Variants in BACE2 observed in about 807,000 individuals in gnomAD.
BACE2 encodes the protein 56 kDa aspartic-like protease.
BACE2 carries 17 observed loss-of-function variants against 46.2 expected under a neutral mutation model. That is an observed-to-expected ratio of 0.37 (90% CI 0.25 to 0.55). The LOEUF is 0.55. Ranked by LOEUF, BACE2 falls within the 20% of genes least tolerant of loss-of-function variation. The pLI is 0.82. For synonymous variants in BACE2, 277 were observed against 295.9 expected (o/e 0.94, Z 0.66); for missense variants, 595 against 698.1 (o/e 0.85, Z 1.66).
intron 1 of BACE2, chr21:41,175,452 T>C (rs1166833507): frequency 6.6e-6 from 1 of 152,244 alleles, no homozygotes; most frequent in East Asian, 1.9e-4. Flanking sequence ...AATTTACACC[T>C]GGCCTGCAAA....
chr21:41,222,158 G>A (rs746832697), intron 1 of BACE2, among the ~76,000 whole-genome samples: 1 of 152,204 alleles, frequency 6.6e-6, no homozygotes, highest in Non-Finnish European at 1.5e-5. Flanking sequence ...TGAGGACTGT[G>A]CTGCCCTCAG....
chr21:41,247,267 G>C (rs888196871), intron 6 of BACE2, among the ~76,000 whole-genome samples: 4 of 152,146 alleles, frequency 2.6e-5, no homozygotes, highest in African/African-American at 9.7e-5. Context: ...TGGATGAAAC[G>C]GACACAGAGG....
chr21:41,264,668 G>A (rs1201375453), intron 8 of BACE2, among the ~76,000 whole-genome samples: 2 of 151,978 alleles, frequency 1.3e-5, no homozygotes, highest in African/African-American at 2.4e-5. Flanking sequence ...AGACAATACT[G>A]GGGGGTGGTA....
intron 1 of BACE2, among the ~76,000 whole-genome samples, chr21:41,190,322 C>T (rs2123511743): frequency 6.6e-6 from 1 of 152,322 alleles, no homozygotes; most frequent in East Asian, 1.9e-4. Flanking sequence ...ACCTGAAACA[C>T]ACCAGTCTCC....
At chr21:41,261,593 G>T (rs1987937028) in intron 8 of BACE2, among the ~76,000 whole-genome samples, 1 of 151,916 alleles carries the variant, frequency 6.6e-6, no homozygotes, top group African/African-American at 2.4e-5. Flanking sequence ...AAATTTACCA[G>T]TATTTCTCTC....
intron 1 of BACE2, chr21:41,183,273 C>T (rs560112168): frequency 6.0e-6 from 1 of 166,208 alleles, no homozygotes; most frequent in South Asian, 2.1e-4. Context: ...AGGTAAAAAT[C>T]CTAAAGTTAA....
rs977282474 is a variant in BACE2, at chr21:41,228,287, G to C, written c.401+1933G>C. Among the ~76,000 whole-genome samples the C allele has an allele frequency of 3.3e-5, 5 of 152,222 alleles. No homozygotes were observed. In the East Asian group the frequency reaches 9.6e-4, roughly 29 times the overall value. The stretch of plus-strand genomic sequence containing the variant: ...CGCAGTAGGCAGATGCTGGAGGTGA[G>C]TTAACATCACCATGGACATGTACAC... On this transcript the variant is annotated intron_variant, in intron 2 of 8. Coordinates refer to ENST00000330333, the MANE Select transcript of BACE2 (RefSeq NM_012105.5).
chr21:41,276,301 G>A lies in BACE2; in HGVS notation c.*677G>A, dbSNP rs968768330. On this transcript the variant is annotated 3_prime_UTR_variant, in exon 9 of 9. Coordinates refer to ENST00000330333, the MANE Select transcript of BACE2 (RefSeq NM_012105.5). Reference sequence around the variant, plus strand: ...GGCCTTTTGCCCGTTGAGGTAGAGGGGAAGGAAATCTCCTCTTTTGTACCC... The same window carrying A: ...GGCCTTTTGCCCGTTGAGGTAGAGGAGAAGGAAATCTCCTCTTTTGTACCC... The A allele has an allele frequency of 2.0e-5, 3 of 152,270 alleles. No homozygotes were observed. The highest frequency in any genetic ancestry group is 7.2e-5 in the African/African-American group (3 of 41,432). The allele number at this position is 152,270 out of a possible 1,614,324, so 9.4% of individuals were successfully genotyped here.
At chr21:41,227,323 C>T (rs1350826178) in intron 2 of BACE2, among the ~76,000 whole-genome samples, 4 of 152,138 alleles carry the variant, frequency 2.6e-5, no homozygotes, top group Non-Finnish European at 5.9e-5. Context: ...CATTAGGTTT[C>T]CCTACTGTAA....
At chr21:41,255,986 T>G (rs906213326) in intron 7 of BACE2, among the ~76,000 whole-genome samples, 1 of 152,220 alleles carries the variant, frequency 6.6e-6, no homozygotes, top group South Asian at 2.1e-4. Flanking sequence ...AAATCTACAT[T>G]GTATAGAGAA....
intron 1 of BACE2, among the ~76,000 whole-genome samples, chr21:41,174,138 C>CTTTTTTTTTTTTTTTTTTTTTTT (rs1568853912): frequency 2.8e-4 from 20 of 70,646 alleles, no homozygotes; most frequent in South Asian, 6.3e-4. Context: ...TGATCAGTGG[C>CTTTTTTTTTTTTTTTTTTTTTTT]CTTTTTTTTT....
At chr21:41,200,009 A>G (rs1985900182) in intron 1 of BACE2, among the ~76,000 whole-genome samples, 1 of 138,560 alleles carries the variant, frequency 7.2e-6, no homozygotes, top group Non-Finnish European at 1.6e-5. Context: ...TGGGCACAGG[A>G]AGGGGAACAT....
intron 2 of BACE2, chr21:41,236,741 G>A (rs984675886): frequency 2.6e-5 from 4 of 152,212 alleles, no homozygotes; most frequent in Admixed American, 2.6e-4. Context: ...ACAGGCTGGT[G>A]GAGCCTCCCT....
intron 6 of BACE2, among the ~76,000 whole-genome samples, chr21:41,250,017 G>A (rs1987594358): frequency 6.6e-6 from 1 of 152,182 alleles, no homozygotes; most frequent in African/African-American, 2.4e-5. Context: ...CTGTGTGCAA[G>A]GTATTAGGGC....
At chr21:41,264,198 T>C (rs1162109067) in intron 8 of BACE2, among the ~76,000 whole-genome samples, 1 of 152,018 alleles carries the variant, frequency 6.6e-6, no homozygotes, top group African/African-American at 2.4e-5. Context: ...TCTTTAATTG[T>C]CTTTGGTTTG....
chr21:41,194,528 G>A (rs1421720747), intron 1 of BACE2, among the ~76,000 whole-genome samples: 1 of 152,164 alleles, frequency 6.6e-6, no homozygotes, highest in Non-Finnish European at 1.5e-5. Flanking sequence ...ATATTTTCCT[G>A]ATAAAACTGT....
At chr21:41,191,101 C>A (rs1460653198) in intron 1 of BACE2, among the ~76,000 whole-genome samples, 1 of 152,124 alleles carries the variant, frequency 6.6e-6, no homozygotes, top group African/African-American at 2.4e-5. Flanking sequence ...CCCTTGATTC[C>A]TGGACCCGTG....
chr21:41,189,055 G>A (rs779973375), intron 1 of BACE2, among the ~76,000 whole-genome samples: 9 of 152,134 alleles, frequency 5.9e-5, no homozygotes, highest in Non-Finnish European at 1.0e-4. Flanking sequence ...TTATCTTCCC[G>A]ATGCTGTTGA....
chr21:41,233,031 G>T (rs1987009900), intron 2 of BACE2, among the ~76,000 whole-genome samples: 1 of 151,978 alleles, frequency 6.6e-6, no homozygotes, highest in Non-Finnish European at 1.5e-5. Flanking sequence ...ACCACACTTG[G>T]CTAATTTTTT....
Sources: gnomAD v4.1 joint callset for allele counts (sites outside exome capture counted in the v4.1 genomes callset) on GRCh38, gnomAD v4.1.1 for gene constraint, MANE v1.5 for transcripts, NCBI Gene and HGNC (gene_info 2026-07-23, HGNC 2026-07-21) for gene names.